Variants in ELAPOR1 observed in about 807,000 individuals in gnomAD.
ELAPOR1 encodes the protein endosome/lysosome-associated apoptosis and autophagy regulator 1.
Under a neutral mutation model 119.7 loss-of-function variants are expected in ELAPOR1, and 77 were observed. The observed-to-expected ratio is 0.64, with a 90% CI of 0.54 to 0.78. The LOEUF is 0.78. ELAPOR1 is among the 30% of genes least tolerant of loss of function. The pLI is 0.00. For missense variants in ELAPOR1, 1,115 were observed against 1,270.4 expected (o/e 0.88, Z 1.86); for synonymous variants, 481 against 487.2 (o/e 0.99, Z 0.17).
chr1:109,176,422 C>G (rs879235619), intron 7 of ELAPOR1, among the ~76,000 whole-genome samples: 3 of 152,160 alleles, frequency 2.0e-5, no homozygotes, highest in African/African-American at 7.2e-5. Flanking sequence ...AAGGCCCTCT[C>G]TCAAACAGAC....
In ELAPOR1 at chr1:109,196,871, C is replaced by T. The variant is rs150941746; in HGVS notation, c.2122-603C>T. Among the ~76,000 whole-genome samples, 470 of 152,282 alleles carry T rather than the reference C, an allele frequency of 3.1e-3. 4 individuals are homozygous for T. The highest frequency in any genetic ancestry group is 0.01 in the Middle Eastern group (3 of 294). The stretch of plus-strand genomic sequence containing the variant: ...CTAATTTTTGTGTTTTTAGTAAAGA[C>T]GGGGTTTCACCACGTTGGCCAGGAT... On this transcript the variant is annotated intron_variant, in intron 15 of 21. Transcript: ENST00000369939.
intron 1 of ELAPOR1, among the ~76,000 whole-genome samples, chr1:109,142,408 A>G (rs1649884479): frequency 1.3e-5 from 2 of 152,218 alleles, no homozygotes; most frequent in African/African-American, 4.8e-5. Context: ...AGGTGAAAGG[A>G]AGCCCTGATT....
chr1:109,201,233 A>T (rs1292925531), intron 21 of ELAPOR1: 40 of 451,272 alleles, frequency 8.9e-5, no homozygotes, highest in Admixed American at 3.5e-4. Flanking sequence ...TTTTATTTTC[A>T]CTGAAAAGGG....
chr1:109,199,489 C>T (rs567878152), intron 18 of ELAPOR1, among the ~76,000 whole-genome samples: 169 of 152,292 alleles, frequency 1.1e-3, no homozygotes, highest in African/African-American at 3.9e-3. Flanking sequence ...AATCCCACCC[C>T]GAGGAAGCTG....
intron 1 of ELAPOR1, among the ~76,000 whole-genome samples, chr1:109,159,475 A>G (rs2101035672): frequency 6.6e-6 from 1 of 152,292 alleles, no homozygotes; most frequent in African/African-American, 2.4e-5. Flanking sequence ...ATGATCTTCG[A>G]ACAGATTAGA....
chr1:109,186,827 G>C (rs557811583), intron 8 of ELAPOR1: 5 of 985,422 alleles, frequency 5.1e-6, no homozygotes, highest in South Asian at 4.7e-5. Context: ...TTCTGGGTCA[G>C]TACCGTGCTT....
At chr1:109,183,607 TCCA>T (rs1163077356) in intron 7 of ELAPOR1, among the ~76,000 whole-genome samples, 1 of 115,936 alleles carries the variant, frequency 8.6e-6, no homozygotes, top group African/African-American at 3.3e-5. Flanking sequence ...CTTCCTTCCT[TCCA>T]TCCTTCCCTC....
chr1:109,155,776 G>A (rs1650837557), intron 1 of ELAPOR1, among the ~76,000 whole-genome samples: 1 of 152,164 alleles, frequency 6.6e-6, no homozygotes, highest in Non-Finnish European at 1.5e-5. Context: ...CTGCTACAAT[G>A]TGCACTCTGC....
intron 15 of ELAPOR1, among the ~76,000 whole-genome samples, chr1:109,197,154 A>G (rs2101131277): frequency 6.6e-6 from 1 of 151,852 alleles, no homozygotes; most frequent in African/African-American, 2.4e-5. Context: ...AAAAAAAAAA[A>G]AATTAACCTG....
chr1:109,180,146 G>A (rs932734981), intron 7 of ELAPOR1, among the ~76,000 whole-genome samples: 1 of 152,154 alleles, frequency 6.6e-6, no homozygotes, highest in African/African-American at 2.4e-5. Flanking sequence ...TTTCTCACTG[G>A]TCCCTAAAAT....
chr1:109,146,346 G>C (rs752235955), intron 1 of ELAPOR1, among the ~76,000 whole-genome samples: 1 of 151,542 alleles, frequency 6.6e-6, no homozygotes, highest in South Asian at 2.1e-4. Flanking sequence ...TACAAATCTC[G>C]ATTCAAAAAT....
At chr1:109,183,636 C>CCTTCCTTTCTTCCTTCCTTT (rs150843023) in intron 7 of ELAPOR1, among the ~76,000 whole-genome samples, 3 of 133,972 alleles carry the variant, frequency 2.2e-5, no homozygotes, top group African/African-American at 8.9e-5. Context: ...TTCCTTCCTT[C>CCTTCCTTTCTTCCTTCCTTT]CTAACAGAGT....
At chr1:109,173,143 G>A (rs1214176447) in intron 5 of ELAPOR1, among the ~76,000 whole-genome samples, 1 of 151,634 alleles carries the variant, frequency 6.6e-6, no homozygotes, top group Non-Finnish European at 1.5e-5. Flanking sequence ...TGGGGAGGGG[G>A]GCTGTCCCCC....
rs1398498830 is a variant in ELAPOR1 at position 109,199,924 on chromosome 1, C to T, written c.2572C>T (p.Leu858Phe). Residue 858 changes from leucine to phenylalanine, a missense_variant, in exon 19 of 22, where the codon CTC (leucine) becomes TTC (phenylalanine). Transcript: ENST00000369939. ...GTGGGAGAGCGCGGCTGCTTGCCCG[C>T]TCTGCTCAGTGGCTGACTACCATGC... is the stretch of plus-strand genomic sequence containing the variant. ...FLWESAAACP[L>F]CSVADYHAIV... is the part of the protein sequence containing the mutation. 2 of 1,614,050 alleles carry T rather than the reference C, an allele frequency of 1.2e-6. No individual in the cohort carries two copies. The highest frequency in any genetic ancestry group is 2.2e-5 in the East Asian group (1 of 44,892).
At chr1:109,152,673 G>A (rs1650604775) in intron 1 of ELAPOR1, among the ~76,000 whole-genome samples, 1 of 152,076 alleles carries the variant, frequency 6.6e-6, no homozygotes, top group African/African-American at 2.4e-5. Context: ...GGCCGGCATG[G>A]TGGTTCACAC....
intron 1 of ELAPOR1, among the ~76,000 whole-genome samples, chr1:109,157,530 C>G (rs1300304963): frequency 6.6e-6 from 1 of 152,190 alleles, no homozygotes; most frequent in Non-Finnish European, 1.5e-5. Flanking sequence ...AGATTTCACC[C>G]TCCACTCATG....
intron 1 of ELAPOR1, among the ~76,000 whole-genome samples, chr1:109,159,182 C>A (rs983362252): frequency 6.6e-6 from 1 of 152,168 alleles, no homozygotes; most frequent in African/African-American, 2.4e-5. Context: ...CGTGAGCCAC[C>A]GTGCCCCGCC....
chr1:109,199,944 C>G lies in ELAPOR1; in HGVS notation c.2592C>G (p.Tyr864Ter). 5 of 1,614,090 alleles carry G rather than the reference C, an allele frequency of 3.1e-6. No individual in the cohort carries two copies. Among genetic ancestry groups the G allele is most frequent in the Non-Finnish European group, 4.2e-6 (5 of 1,180,036 alleles). Residue 864 changes from tyrosine to a stop codon, truncating the protein, a stop_gained, in exon 19 of 22, where the codon TAC becomes TAG. Coordinates refer to ENST00000369939, the MANE Select transcript of ELAPOR1 (RefSeq NM_020775.5). LOFTEE classifies it high-confidence loss of function. Reference sequence around the variant, plus strand: ...GCCCGCTCTGCTCAGTGGCTGACTACCATGCTATCGTCAGCAGCTGTGTGG... The same window carrying G: ...GCCCGCTCTGCTCAGTGGCTGACTAGCATGCTATCGTCAGCAGCTGTGTGG... ...AACPLCSVAD[Y>*]HAIVSSCVAG...
intron 1 of ELAPOR1, among the ~76,000 whole-genome samples, chr1:109,147,469 CA>C (rs1259893988): frequency 6.6e-5 from 10 of 152,054 alleles, no homozygotes; most frequent in African/African-American, 2.4e-4. Flanking sequence ...GTGGAAAAAG[CA>C]GAGCACAGAC....
Sources: gnomAD v4.1 joint callset for allele counts (sites outside exome capture counted in the v4.1 genomes callset) on GRCh38, gnomAD v4.1.1 for gene constraint, MANE v1.5 for transcripts, NCBI Gene and HGNC (gene_info 2026-07-23, HGNC 2026-07-21) for gene names.